The following ASTN1 variants were observed in gnomAD, a reference collection of about 807,000 sequenced individuals.
The protein encoded by ASTN1 is astrotactin 1.
A neutral mutation model predicts 140.7 loss-of-function variants in ASTN1; 41 were observed. That is an observed-to-expected ratio of 0.29 (90% CI 0.23 to 0.38). The LOEUF is 0.38. ASTN1 is among the 10% of genes least tolerant of loss of function. The pLI, the probability that ASTN1 is intolerant of heterozygous loss-of-function variation, is 1.00. For missense variants in ASTN1, 1,479 were observed against 1,678.8 expected (o/e 0.88, Z 2.08); for synonymous variants, 640 against 652.2 (o/e 0.98, Z 0.29).
intron 5 of ASTN1, among the ~76,000 whole-genome samples, chr1:177,026,432 A>G (rs1676113947): frequency 6.6e-6 from 1 of 152,020 alleles, no homozygotes; most frequent in Non-Finnish European, 1.5e-5. Context: ...TAAAAACTCC[A>G]TTATATCCAA....
chr1:176,973,207 T>C (rs896101250), intron 8 of ASTN1, among the ~76,000 whole-genome samples: 1 of 152,156 alleles, frequency 6.6e-6, no homozygotes, highest in African/African-American at 2.4e-5. Flanking sequence ...CATCTCCTAC[T>C]TTCCCAACTT....
intron 16 of ASTN1, among the ~76,000 whole-genome samples, chr1:176,923,824 T>A (rs1670843101): frequency 6.6e-6 from 1 of 152,196 alleles, no homozygotes; most frequent in South Asian, 2.1e-4. Flanking sequence ...GAAGTACTCA[T>A]CCCAAAAGAT....
chr1:176,892,873 T>C (rs12124795), intron 17 of ASTN1, among the ~76,000 whole-genome samples: 9,101 of 152,244 alleles, frequency 0.06, 352 homozygotes, highest in Non-Finnish European at 0.087. Context: ...AGACAAAATA[T>C]GTCTAAGGAA....
rs879273747 is a variant in ASTN1, at chr1:177,010,596, G to T, written c.1523+4195C>A. 7.9e-5 allele frequency among the ~76,000 whole-genome samples: 12 copies of T among 152,248 alleles called. No homozygotes were observed. The East Asian group carries it at 1.5e-3, about 20-fold the overall frequency. ...ACTGAATTCAATGATCTTGTAATTT[G>T]CCATCTGGACCCTGTCACCTGGCTG... On this transcript the variant is annotated intron_variant, in intron 8 of 22. Transcript: ENST00000361833.
intron 1 of ASTN1, among the ~76,000 whole-genome samples, chr1:177,089,829 A>G (rs1336124274): frequency 6.6e-6 from 1 of 152,148 alleles, no homozygotes; most frequent in African/African-American, 2.4e-5. Flanking sequence ...ACGAAAATAG[A>G]AATGAGAAGT....
intron 8 of ASTN1, among the ~76,000 whole-genome samples, chr1:177,010,027 G>T (rs935462749): frequency 3.3e-5 from 5 of 151,812 alleles, no homozygotes; most frequent in Admixed American, 1.3e-4. Flanking sequence ...GAGGCCCTTG[G>T]GTGTACTTTT....
chr1:177,032,120 CAT>C (rs1676472203), intron 3 of ASTN1, among the ~76,000 whole-genome samples: 1 of 152,174 alleles, frequency 6.6e-6, no homozygotes, highest in African/African-American at 2.4e-5. Context: ...GTCATATACA[CAT>C]GTTCATTTTT....
At chr1:176,990,907 TG>T (rs1410257260) in intron 8 of ASTN1, among the ~76,000 whole-genome samples, 1 of 152,206 alleles carries the variant, frequency 6.6e-6, no homozygotes, top group East Asian at 1.9e-4. Context: ...CCCTGGTCTA[TG>T]ACTTTTTATC....
intron 1 of ASTN1, among the ~76,000 whole-genome samples, chr1:177,111,402 A>G (rs997713431): frequency 2.0e-5 from 3 of 151,976 alleles, no homozygotes; most frequent in African/African-American, 7.3e-5. Flanking sequence ...GGATCTTGTT[A>G]AAATGAATGT....
At chr1:176,916,015 T>A (rs1557957246) in intron 16 of ASTN1, among the ~76,000 whole-genome samples, 1 of 152,228 alleles carries the variant, frequency 6.6e-6, no homozygotes, top group Non-Finnish European at 1.5e-5. Flanking sequence ...GTCCCTGGTT[T>A]ATCTCCACCC....
intron 7 of ASTN1, 77 bp from the exon 8 acceptor site, chr1:177,014,952 A>T (rs1471149349): frequency 7.4e-7 from 1 of 1,352,330 alleles, no homozygotes; most frequent in African/African-American, 1.4e-5. Flanking sequence ...AAAAATTAAC[A>T]TGAAATAGTC....
At chr1:176,868,176 C>T (rs1668197691) in intron 22 of ASTN1, among the ~76,000 whole-genome samples, 1 of 152,166 alleles carries the variant, frequency 6.6e-6, no homozygotes, top group African/African-American at 2.4e-5. Flanking sequence ...TTTCTCAAAG[C>T]AGCAATATAC....
chr1:176,991,436 C>CAAAAAAAAAAAAAAAAAAAAAAAACAAAA (rs1173420812), intron 8 of ASTN1, among the ~76,000 whole-genome samples: 1 of 13,834 alleles, frequency 7.2e-5, no homozygotes, highest in African/African-American at 2.1e-4. Flanking sequence ...AAAAAAAAAC[C>CAAAAAAAAAAAAAAAAAAAAAAAACAAAA]AAAAAAAAAA....
Position 177,013,401 on chromosome 1 carries a change from C to T in ASTN1, c.1523+1390G>A, listed in dbSNP as rs1675388675. On this transcript the variant is annotated intron_variant, in intron 8 of 22. Coordinates refer to ENST00000361833, the MANE Select transcript of ASTN1 (RefSeq NM_004319.3). The stretch of plus-strand genomic sequence containing the variant: ...TAACATCTATGGGCATCTATCATGC[C>T]TTGACTTAGTCATCAGCTGGCTAAG... Among the ~76,000 whole-genome samples, 3 of 152,210 alleles carry T rather than the reference C, an allele frequency of 2.0e-5. No homozygotes were observed. In the South Asian group the frequency reaches 6.2e-4, roughly 32 times the overall value.
chr1:176,913,470 G>T (rs1670338824), intron 16 of ASTN1, among the ~76,000 whole-genome samples: 1 of 152,146 alleles, frequency 6.6e-6, no homozygotes, highest in Non-Finnish European at 1.5e-5. Context: ...CAATCTATGT[G>T]GGATACAAGA....
chr1:176,890,974 C>T (rs1308325747), intron 17 of ASTN1, among the ~76,000 whole-genome samples: 1 of 152,036 alleles, frequency 6.6e-6, no homozygotes, highest in African/African-American at 2.4e-5. Flanking sequence ...TTGCAGTGAG[C>T]TGAGATCATA....
At chr1:177,021,903 CAAGCATACTAGCT>C (rs1675842375) in intron 7 of ASTN1, among the ~76,000 whole-genome samples, 1 of 152,186 alleles carries the variant, frequency 6.6e-6, no homozygotes, top group African/African-American at 2.4e-5. Flanking sequence ...TAATTTCTCC[CAAGCATACTAGCT>C]TTTGGGCATG....
chr1:177,151,457 T>C (rs148806894), intron 1 of ASTN1, among the ~76,000 whole-genome samples: 17 of 150,994 alleles, frequency 1.1e-4, no homozygotes, highest in Admixed American at 5.9e-4. Context: ...AGAAAGAAAA[T>C]TGTTACCCTG....
rs1279228121 is a variant in ASTN1, at chr1:176,861,666, T to C, written c.*2618A>G. 2.7e-5 allele frequency: 27 copies of C among 985,330 alleles called. No individual in the cohort carries two copies. Among genetic ancestry groups the C allele is most frequent in the Non-Finnish European group, 3.0e-5 (25 of 829,976 alleles). The allele number at this position is 985,330 out of a possible 1,614,324, so 61.0% of individuals were successfully genotyped here. A position where few individuals can be genotyped will look rare whatever the true frequency, so the allele number is the denominator to read the frequency against. ...AAGTAGGAGCCAGTCATAGGAGTTG[T>C]GTGCATTGTGTGTGCACACGTGTGT... is the stretch of plus-strand genomic sequence containing the variant. On this transcript the variant is annotated 3_prime_UTR_variant, in exon 23 of 23. Coordinates refer to ENST00000361833, the MANE Select transcript of ASTN1 (RefSeq NM_004319.3).
Sources: gnomAD v4.1 joint callset for allele counts (sites outside exome capture counted in the v4.1 genomes callset) on GRCh38, gnomAD v4.1.1 for gene constraint, MANE v1.5 for transcripts, NCBI Gene and HGNC (gene_info 2026-07-23, HGNC 2026-07-21) for gene names.